The following CPNE4 variants were observed in gnomAD, a reference collection of about 807,000 sequenced individuals.
The protein encoded by CPNE4 is copine 4.
A neutral mutation model predicts 67.9 loss-of-function variants in CPNE4; 25 were observed. The ratio of observed to expected loss-of-function variants is 0.37; its 90% CI spans 0.27 to 0.51. The LOEUF (loss-of-function observed/expected upper bound fraction) is 0.51, where lower values mean the gene tolerates loss of function less well. CPNE4 is among the 20% of genes least tolerant of loss of function. The pLI is 0.93. For synonymous variants in CPNE4, 242 were observed against 244.9 expected, an observed-to-expected ratio of 0.99 and a Z score of 0.11; for missense variants, 464 against 690.8, an observed-to-expected ratio of 0.67 and a Z score of 3.68.
intron 2 of CPNE4, among the ~76,000 whole-genome samples, chr3:131,784,011 GA>G (rs141419142): frequency 0.011 from 1,678 of 152,228 alleles, 28 homozygotes; most frequent in African/African-American, 0.038. Flanking sequence ...GAACTTCTCA[GA>G]GAAATTTTGC....
intron 7 of CPNE4, among the ~76,000 whole-genome samples, chr3:131,613,787 T>C (rs1582892963): frequency 6.6e-6 from 1 of 152,160 alleles, no homozygotes; most frequent in South Asian, 2.1e-4. Context: ...TTTCTGGTCA[T>C]GTACAGGTCA....
At chr3:131,821,719 A>C (rs531031845) in intron 2 of CPNE4, among the ~76,000 whole-genome samples, 4 of 152,168 alleles carry the variant, frequency 2.6e-5, no homozygotes, top group Admixed American at 6.5e-5. Context: ...CGACAATGTA[A>C]ATTTCCACAC....
At chr3:132,003,872 A>C (rs1182499689) in intron 1 of CPNE4, among the ~76,000 whole-genome samples, 1 of 152,132 alleles carries the variant, frequency 6.6e-6, no homozygotes, top group Non-Finnish European at 1.5e-5. Flanking sequence ...GGAAGCTGAG[A>C]TGCTGAAACT....
chr3:131,688,890 T>C (rs2080960445), intron 5 of CPNE4, among the ~76,000 whole-genome samples: 1 of 152,226 alleles, frequency 6.6e-6, no homozygotes, highest in Admixed American at 6.5e-5. Context: ...GTAATCATGA[T>C]CTATGTACAA....
intron 2 of CPNE4, among the ~76,000 whole-genome samples, chr3:131,876,641 CAAA>C (rs61625119): frequency 9.8e-6 from 1 of 101,644 alleles, no homozygotes; most frequent in Non-Finnish European, 1.9e-5. Flanking sequence ...GACTCCGTCT[CAAA>C]AAAAAAAAAA....
intron 10 of CPNE4, among the ~76,000 whole-genome samples, chr3:131,574,481 C>T (rs915181837): frequency 2.6e-5 from 4 of 152,128 alleles, no homozygotes; most frequent in African/African-American, 9.7e-5. Context: ...CAAGGGCACA[C>T]AAATTACATA....
At chr3:131,900,621 T>C (rs1192704136) in intron 2 of CPNE4, among the ~76,000 whole-genome samples, 2 of 152,094 alleles carry the variant, frequency 1.3e-5, no homozygotes, top group Non-Finnish European at 2.9e-5. Flanking sequence ...ACTGAGGTCT[T>C]TGAGGACACA....
chr3:131,725,408 C>G (rs1420020053), intron 2 of CPNE4, among the ~76,000 whole-genome samples: 1 of 152,202 alleles, frequency 6.6e-6, no homozygotes, highest in Non-Finnish European at 1.5e-5. Flanking sequence ...AATAGGCATA[C>G]AGAAAACCAA....
intron 7 of CPNE4, among the ~76,000 whole-genome samples, chr3:131,615,841 G>A (rs1251627318): frequency 2.6e-5 from 4 of 151,102 alleles, no homozygotes; most frequent in Non-Finnish European, 5.9e-5. Flanking sequence ...CTGAGATGGC[G>A]CCACTGCACT....
intron 10 of CPNE4, among the ~76,000 whole-genome samples, chr3:131,572,173 G>A (rs1415119314): frequency 1.3e-5 from 2 of 152,048 alleles, no homozygotes; most frequent in Non-Finnish European, 2.9e-5. Flanking sequence ...AAGATACAAA[G>A]GCTTTCTCCT....
At chr3:131,912,402 T>C (rs950253593) in intron 1 of CPNE4, among the ~76,000 whole-genome samples, 2 of 152,058 alleles carry the variant, frequency 1.3e-5, no homozygotes, top group Non-Finnish European at 2.9e-5. Context: ...AAGTGCATAA[T>C]CACTCTTCTG....
chr3:131,646,840 T>A (rs187002630), intron 7 of CPNE4, among the ~76,000 whole-genome samples: 97 of 152,328 alleles, frequency 6.4e-4, no homozygotes, highest in African/African-American at 2.3e-3. Context: ...GTTCTAGGCA[T>A]CCAGTGAGTA....
chr3:131,671,093 T>G (rs115778948), intron 6 of CPNE4, among the ~76,000 whole-genome samples: 2,711 of 152,298 alleles, frequency 0.018, 91 homozygotes, highest in African/African-American at 0.062. Context: ...CGACCTAGAA[T>G]TTGTTTTTTA....
chr3:131,779,158 AT>A (rs1280640010), intron 2 of CPNE4, among the ~76,000 whole-genome samples: 13 of 152,072 alleles, frequency 8.5e-5, no homozygotes, highest in Non-Finnish European at 1.3e-4. Context: ...ACTGAGAATT[AT>A]AAAACACTGC....
intron 7 of CPNE4, among the ~76,000 whole-genome samples, chr3:131,637,730 G>A (rs753013077): frequency 1.6e-4 from 24 of 152,124 alleles, no homozygotes; most frequent in Non-Finnish European, 2.5e-4. Flanking sequence ...CCTAGGCACA[G>A]TCATCCAGTT....
chr3:131,769,328 C>T (rs987629538), intron 2 of CPNE4, among the ~76,000 whole-genome samples: 5 of 152,104 alleles, frequency 3.3e-5, no homozygotes, highest in African/African-American at 1.2e-4. Context: ...GGTTCCCTTC[C>T]TCTGAAAAAC....
chr3:131,870,939 T>A (rs753766975), intron 2 of CPNE4, among the ~76,000 whole-genome samples: 4 of 152,186 alleles, frequency 2.6e-5, no homozygotes, highest in Non-Finnish European at 4.4e-5. Flanking sequence ...CAAGCTTTTG[T>A]TGAACATCCT....
intron 2 of CPNE4, among the ~76,000 whole-genome samples, chr3:131,850,164 T>A (rs4854627): frequency 6.6e-6 from 1 of 151,974 alleles, no homozygotes; most frequent in East Asian, 1.9e-4. Context: ...TTTTTGCCAA[T>A]ATCCAGAATT....
rs1937468617 is a variant in CPNE4, at chr3:131,574,028, G to A, written c.927+1043C>T. Among the ~76,000 whole-genome samples, 4 of 152,140 alleles carry A rather than the reference G, an allele frequency of 2.6e-5. No individual in the cohort carries two copies. The South Asian group carries it at 8.3e-4, about 32-fold the overall frequency. On this transcript the variant is annotated intron_variant, in intron 10 of 15. Coordinates refer to ENST00000429747, the MANE Select transcript of CPNE4 (RefSeq NM_130808.3). ...TAAATGACCATTTATCTCATCCTTTGAGACTCCTTTTAGTCCTTTGAGCAC... is the reference window on the plus strand; with the variant it reads ...TAAATGACCATTTATCTCATCCTTTAAGACTCCTTTTAGTCCTTTGAGCAC...
Sources: allele counts gnomAD v4.1 joint callset (sites outside exome capture counted in the v4.1 genomes callset), GRCh38; gene constraint gnomAD v4.1.1; transcripts MANE v1.5; gene names NCBI Gene and HGNC (gene_info 2026-07-23, HGNC 2026-07-21).